Variants in CNTN4 observed in about 807,000 individuals in gnomAD.
The protein encoded by CNTN4 is contactin-4.
CNTN4 carries 77 observed loss-of-function variants against 122.5 expected under a neutral mutation model. That is an observed-to-expected ratio of 0.63 (90% confidence interval 0.52 to 0.76). The LOEUF is 0.76. Among genes scored for constraint, CNTN4 ranks in the 30% least tolerant of loss-of-function variants. CNTN4 has a pLI of 0.00. For synonymous variants in CNTN4, 512 were observed against 447.0 expected (o/e 1.15, Z -1.83); for missense variants, 1,256 against 1,259.1 (o/e 1.00, Z 0.04).
In CNTN4 at chr3:2,875,842, C is replaced by A. The variant is rs115677003; in HGVS notation, c.653-7303C>A. ...TAGTAGGAAAAACATAGGAGTACTTCCTTGAAGGAAGGTGAAAATTGGCTT... is the reference window on the plus strand; with the variant it reads ...TAGTAGGAAAAACATAGGAGTACTTACTTGAAGGAAGGTGAAAATTGGCTT... On this transcript the variant is annotated intron_variant, in intron 8 of 24. Coordinates refer to ENST00000418658, the MANE Select transcript of CNTN4 (RefSeq NM_175607.3). 7.4e-3 allele frequency among the ~76,000 whole-genome samples: 1,129 copies of A among 152,192 alleles called. 17 individuals are homozygous for A. The highest frequency in any genetic ancestry group is 0.026 in the African/African-American group (1,078 of 41,514).
intron 2 of CNTN4, among the ~76,000 whole-genome samples, chr3:2,335,810 A>G (rs1235568125): frequency 1.3e-5 from 2 of 152,142 alleles, no homozygotes; most frequent in Non-Finnish European, 2.9e-5. Context: ...GTATCATTAG[A>G]TATTTTCTTT....
At chr3:2,433,036 T>A (rs1039548222) in intron 3 of CNTN4, among the ~76,000 whole-genome samples, 4 of 152,080 alleles carry the variant, frequency 2.6e-5, no homozygotes, top group South Asian at 2.1e-4. Context: ...TTGCTCAAGT[T>A]GGTCTGGAAC....
At chr3:2,800,542 A>G (rs981848712) in intron 6 of CNTN4, among the ~76,000 whole-genome samples, 3 of 152,138 alleles carry the variant, frequency 2.0e-5, no homozygotes, top group African/African-American at 4.8e-5. Flanking sequence ...CATCTTTGCA[A>G]CTTTCATTTC....
At chr3:2,676,706 T>C (rs1358122458) in intron 4 of CNTN4, among the ~76,000 whole-genome samples, 1 of 152,224 alleles carries the variant, frequency 6.6e-6, no homozygotes, top group Admixed American at 6.5e-5. Context: ...TTTTGAAATT[T>C]ACAGAATTTG....
At chr3:2,481,377 G>A (rs916263007) in intron 3 of CNTN4, among the ~76,000 whole-genome samples, 10 of 152,010 alleles carry the variant, frequency 6.6e-5, no homozygotes, top group Non-Finnish European at 1.3e-4. Flanking sequence ...CTGACCTCAA[G>A]TGATCCACCC....
chr3:2,307,471 G>T (rs1051608962), intron 2 of CNTN4, among the ~76,000 whole-genome samples: 5 of 151,330 alleles, frequency 3.3e-5, no homozygotes, highest in African/African-American at 7.3e-5. Flanking sequence ...AACCATTCTT[G>T]TCTTCTTTTT....
At chr3:2,180,043 A>G (rs1413219578) in intron 2 of CNTN4, among the ~76,000 whole-genome samples, 1 of 151,444 alleles carries the variant, frequency 6.6e-6, no homozygotes, top group African/African-American at 2.4e-5. Flanking sequence ...AGCCATAGGT[A>G]GCTTATGGCT....
intron 3 of CNTN4, among the ~76,000 whole-genome samples, chr3:2,475,526 A>G (rs933297087): frequency 6.6e-6 from 1 of 152,158 alleles, no homozygotes. Context: ...GTTTTACAAT[A>G]TGTTTCATTT....
At chr3:2,628,725 G>A (rs535151680) in intron 4 of CNTN4, among the ~76,000 whole-genome samples, 4 of 152,214 alleles carry the variant, frequency 2.6e-5, no homozygotes, top group Non-Finnish European at 5.9e-5. Context: ...TTCCGTGTCT[G>A]ATGTGTAGAC....
chr3:2,637,435 T>G (rs1430008102), intron 4 of CNTN4, among the ~76,000 whole-genome samples: 1 of 152,108 alleles, frequency 6.6e-6, no homozygotes, highest in Non-Finnish European at 1.5e-5. Context: ...AAAGTTAGAT[T>G]AGGCATTCGA....
At chr3:2,381,769 G>A (rs1293471562) in intron 3 of CNTN4, among the ~76,000 whole-genome samples, 1 of 152,032 alleles carries the variant, frequency 6.6e-6, no homozygotes, top group African/African-American at 2.4e-5. Flanking sequence ...AAAAAATTAT[G>A]TATTTCTTAT....
At chr3:2,804,737 CT>C (rs370653933) in intron 6 of CNTN4, among the ~76,000 whole-genome samples, 2 of 144,966 alleles carry the variant, frequency 1.4e-5, no homozygotes, top group Admixed American at 6.9e-5. Context: ...ATTTTGAGCA[CT>C]TTTTTTTTGA....
chr3:2,392,152 T>C (rs2046463320), intron 3 of CNTN4, among the ~76,000 whole-genome samples: 1 of 152,206 alleles, frequency 6.6e-6, no homozygotes, highest in African/African-American at 2.4e-5. Flanking sequence ...CTCTCAGCCT[T>C]CCCAAATCCA....
intron 4 of CNTN4, among the ~76,000 whole-genome samples, chr3:2,577,893 G>A (rs2079765480): frequency 6.6e-6 from 1 of 152,134 alleles, no homozygotes. Context: ...TCTCTGTGGT[G>A]CAGTTTACCA....
At chr3:2,962,404 T>C (rs2094870453) in intron 13 of CNTN4, among the ~76,000 whole-genome samples, 1 of 152,218 alleles carries the variant, frequency 6.6e-6, no homozygotes, top group Non-Finnish European at 1.5e-5. Flanking sequence ...GCTAAATGTG[T>C]CAGCATTCTT....
At chr3:2,552,340 T>C (rs1167596499) in intron 3 of CNTN4, among the ~76,000 whole-genome samples, 1 of 152,198 alleles carries the variant, frequency 6.6e-6, no homozygotes, top group East Asian at 1.9e-4. Context: ...TCACTTCTTT[T>C]GACTTTTAAA....
At chr3:2,440,417 A>T (rs2048392497) in intron 3 of CNTN4, among the ~76,000 whole-genome samples, 1 of 152,146 alleles carries the variant, frequency 6.6e-6, no homozygotes, top group Non-Finnish European at 1.5e-5. Flanking sequence ...GTCATTTGTC[A>T]TTGTGTGTCT....
At chr3:2,568,033 C>G (rs1433818280) in intron 3 of CNTN4, among the ~76,000 whole-genome samples, 1 of 152,130 alleles carries the variant, frequency 6.6e-6, no homozygotes, top group East Asian at 1.9e-4. Flanking sequence ...CCTCTGCACA[C>G]CCAGCACCTA....
Position 2,385,477 on chromosome 3 carries a change from A to G in CNTN4, c.-89+46244A>G, listed in dbSNP as rs1165819512. Among the ~76,000 whole-genome samples the G allele has an allele frequency of 1.3e-5, 2 of 152,074 alleles. No homozygotes were observed. Among genetic ancestry groups the G allele is most frequent in the African/African-American group, 4.8e-5 (2 of 41,436 alleles). On this transcript the variant is annotated intron_variant, in intron 3 of 24. Transcript: ENST00000418658. The surrounding 1 kb of genome is among the most constrained non-coding windows in gnomAD (Gnocchi z 4.0). ...TTAGTTTCTTAGGACTGCCACAGCAAAGTACCATACACAGGGTGACTTAAA... is the reference window on the plus strand; with the variant it reads ...TTAGTTTCTTAGGACTGCCACAGCAGAGTACCATACACAGGGTGACTTAAA...
Sources: gnomAD v4.1 joint callset for allele counts (sites outside exome capture counted in the v4.1 genomes callset) on GRCh38, gnomAD v4.1.1 for gene constraint, Gnocchi (gnomAD v3.1) non-coding constraint, MANE v1.5 for transcripts, NCBI Gene and HGNC (gene_info 2026-07-23, HGNC 2026-07-21) for gene names.